EVC: variants seen among roughly 807,000 people sequenced by gnomAD.
EVC encodes EvC ciliary complex subunit 1.
EVC carries 116 observed loss-of-function variants against 118.9 expected under a neutral mutation model. That is an observed-to-expected ratio of 0.98 (90% confidence interval 0.84 to 1.14). The LOEUF is 1.14. Among genes scored for constraint, EVC ranks in the 50% most tolerant of loss-of-function variants. EVC has a pLI of 0.00. For synonymous variants in EVC, 619 were observed against 534.7 expected (o/e 1.16, Z -2.18); for missense variants, 1,401 against 1,246.4 (o/e 1.12, Z -1.87).
chr4:5,733,041 A>G (rs1475074518), intron 4 of EVC, among the ~76,000 whole-genome samples: 1 of 152,158 alleles, frequency 6.6e-6, no homozygotes, highest in East Asian at 1.9e-4. Context: ...TTTTTTTTAG[A>G]AAATACTCAA....
rs1033493323 is a variant in EVC at position 5,719,723 on chromosome 4, A to G, written c.300+350A>G. ...TTCTGCAGTTCTGGAACCTTATGCA[A>G]ATGGAATTGTGCTGTTCTGTGCCTG... On this transcript the variant is annotated intron_variant, in intron 2 of 20. Transcript: ENST00000264956. The surrounding 1 kb of genome is among the most constrained non-coding windows in gnomAD (Gnocchi z 4.7). Among the ~76,000 whole-genome samples, 7 of 152,126 alleles carry G rather than the reference A, an allele frequency of 4.6e-5. No homozygotes were observed. Among genetic ancestry groups the G allele is most frequent in the African/African-American group, 1.7e-4 (7 of 41,418 alleles).
intron 11 of EVC, among the ~76,000 whole-genome samples, chr4:5,781,039 C>G (rs962454278): frequency 1.6e-4 from 24 of 152,134 alleles, no homozygotes; most frequent in Admixed American, 3.9e-4. Flanking sequence ...ATCAGTCATA[C>G]GGGCACATCT....
rs1008684461 is a variant in EVC at position 5,737,112 on chromosome 4, T to C, written c.702+3677T>C. 1.3e-5 allele frequency among the ~76,000 whole-genome samples: 2 copies of C among 152,200 alleles called. No homozygotes were observed. Among genetic ancestry groups the C allele is most frequent in the Non-Finnish European group, 2.9e-5 (2 of 68,032 alleles). Reference sequence around the variant, plus strand: ...AAGCAAAACAACCTTATTGCTGATATGGAGAAAGTCTGAGTGGTCTGCATA... The same window carrying C: ...AAGCAAAACAACCTTATTGCTGATACGGAGAAAGTCTGAGTGGTCTGCATA... On this transcript the variant is annotated intron_variant, in intron 5 of 20. Transcript: ENST00000264956. The surrounding 1 kb of genome is among the most constrained non-coding windows in gnomAD (Gnocchi z 5.0).
At chr4:5,779,356 A>G (rs1322877873) in intron 11 of EVC, among the ~76,000 whole-genome samples, 15 of 151,374 alleles carry the variant, frequency 9.9e-5, no homozygotes, top group Non-Finnish European at 1.9e-4. Flanking sequence ...ACTTTAAAGT[A>G]GTTTTTTCCA....
chr4:5,826,487 A>G, the EVC span: 49,536 of 152,408 alleles, frequency 0.33, 13,589 homozygotes, highest in African/African-American at 0.76. Flanking sequence ...CAGGAGGACG[A>G]GGAAGGAGGG....
chr4:5,807,518 A>G (rs1716118033), intron 17 of EVC, among the ~76,000 whole-genome samples: 2 of 152,090 alleles, frequency 1.3e-5, no homozygotes, highest in African/African-American at 4.8e-5. Context: ...GCAGGCAGGG[A>G]GCAATAATGG....
At chr4:5,736,506 A>ATTT (rs60275784) in intron 5 of EVC, among the ~76,000 whole-genome samples, 35 of 136,176 alleles carry the variant, frequency 2.6e-4, no homozygotes, top group Non-Finnish European at 3.9e-4. Context: ...GAGATGCTGC[A>ATTT]TTTTTTTTTT....
At chr4:5,713,792 A>G (rs890680919) in intron 1 of EVC, among the ~76,000 whole-genome samples, 6 of 152,056 alleles carry the variant, frequency 3.9e-5, no homozygotes, top group Admixed American at 3.9e-4. Flanking sequence ...AATCCCAGCT[A>G]CTGGGGAGGC....
chr4:5,820,068 A>G, the EVC span, among the ~76,000 whole-genome samples: 1 of 152,100 alleles, frequency 6.6e-6, no homozygotes, highest in Non-Finnish European at 1.5e-5. Flanking sequence ...CTGGATTCAA[A>G]TCCTGGTTCC....
chr4:5,757,380 C>T (rs1433336737), intron 11 of EVC, among the ~76,000 whole-genome samples: 1 of 152,208 alleles, frequency 6.6e-6, no homozygotes, highest in African/African-American at 2.4e-5. Flanking sequence ...GAAGCTCATG[C>T]AGTGGTGGGA....
intron 6 of EVC, among the ~76,000 whole-genome samples, chr4:5,744,710 C>G (rs1729090717): frequency 6.6e-6 from 1 of 152,324 alleles, no homozygotes; most frequent in African/African-American, 2.4e-5. Flanking sequence ...CCAGCTCACT[C>G]TAGGCTGATA....
intron 11 of EVC, among the ~76,000 whole-genome samples, chr4:5,761,776 G>C (rs1037187722): frequency 6.6e-6 from 1 of 151,816 alleles, no homozygotes; most frequent in Non-Finnish European, 1.5e-5. Context: ...AGCAAGGGAA[G>C]GGGTACAATG....
At chr4:5,752,535 T>G in intron 8 of EVC, 4 of 475,914 alleles carry the variant, frequency 8.4e-6, no homozygotes, top group East Asian at 4.0e-5. Flanking sequence ...CCTTGACCGT[T>G]TGTAAATCTG....
At chr4:5,787,982 TCTC>T (rs1007182399) in intron 12 of EVC, among the ~76,000 whole-genome samples, 6 of 152,098 alleles carry the variant, frequency 3.9e-5, no homozygotes, top group African/African-American at 1.4e-4. Flanking sequence ...CTCTCTTGCT[TCTC>T]CTCCCAGCTC....
intron 11 of EVC, among the ~76,000 whole-genome samples, chr4:5,769,960 A>T (rs1733689518): frequency 6.6e-6 from 1 of 152,118 alleles, no homozygotes. Context: ...TTAACTCACC[A>T]GAAGGACTCC....
In EVC at chr4:5,755,023, T is replaced by C. The variant is rs527354461; in HGVS notation, c.1464+1090T>C. ...CTGCAGTGAGAAGCCAATGGAGGGG[T>C]CCCCCGAGAACAGAGGACAGGCCTC... On this transcript the variant is annotated intron_variant, in intron 10 of 20. Coordinates refer to ENST00000264956, the MANE Select transcript of EVC (RefSeq NM_153717.3). The surrounding 1 kb of genome is among the most constrained non-coding windows in gnomAD (Gnocchi z 4.1). Among the ~76,000 whole-genome samples, 1 of 150,988 alleles carries C rather than the reference T, an allele frequency of 6.6e-6. No individual in the cohort carries two copies. The highest frequency in any genetic ancestry group is 2.1e-4 in the South Asian group (1 of 4,718).
At chr4:5,773,052 T>A (rs1734225126) in intron 11 of EVC, among the ~76,000 whole-genome samples, 1 of 152,144 alleles carries the variant, frequency 6.6e-6, no homozygotes, top group African/African-American at 2.4e-5. Context: ...CTCCCTCGGG[T>A]CTGGGTCCAC....
Position 5,719,223 on chromosome 4 carries a change from C to G in EVC, c.175-25C>G, listed in dbSNP as rs943321172. The stretch of plus-strand genomic sequence containing the variant: ...CTCAATGTTGTGTTTCTATCCACCC[C>G]CAACTCCTGACCTTCGGGTTTTAGA... On this transcript the variant is annotated intron_variant, in intron 1 of 20. Coordinates refer to ENST00000264956, the MANE Select transcript of EVC (RefSeq NM_153717.3). The surrounding 1 kb of genome is among the most constrained non-coding windows in gnomAD (Gnocchi z 4.7). 6.2e-7 allele frequency: 1 copy of G among 1,613,916 alleles called. No homozygotes were observed. Among genetic ancestry groups the G allele is most frequent in the African/African-American group, 1.3e-5 (1 of 74,918 alleles).
intron 13 of EVC, among the ~76,000 whole-genome samples, chr4:5,794,726 G>T (rs1284837476): frequency 6.6e-6 from 1 of 152,012 alleles, no homozygotes; most frequent in Non-Finnish European, 1.5e-5. Context: ...AAAAATTTTT[G>T]ATATAGCTAT....
Sources: allele counts gnomAD v4.1 joint callset (sites outside exome capture counted in the v4.1 genomes callset), GRCh38; gene constraint gnomAD v4.1.1; non-coding constraint Gnocchi (gnomAD v3.1); transcripts MANE v1.5; gene names NCBI Gene and HGNC (gene_info 2026-07-23, HGNC 2026-07-21).